The following VWA3B variants were observed in gnomAD, a reference collection of about 807,000 sequenced individuals.
The protein encoded by VWA3B is von Willebrand factor A domain-containing protein 3B.
A neutral mutation model predicts 158.3 loss-of-function variants in VWA3B; 138 were observed. The observed-to-expected ratio is 0.87, with a 90% CI of 0.76 to 1.00. VWA3B has a LOEUF of 1.00. VWA3B is among the 50% of genes least tolerant of loss of function. VWA3B has a pLI of 0.00. For missense variants in VWA3B, 1,555 were observed against 1,565.1 expected (o/e 0.99, Z 0.11); for synonymous variants, 596 against 587.3 (o/e 1.01, Z -0.21).
intron 2 of VWA3B, among the ~76,000 whole-genome samples, chr2:98,100,631 A>G (rs2122753): frequency 0.86 from 131,074 of 152,228 alleles, 56,866 homozygotes; most frequent in East Asian, 0.98. Context: ...TAGATCTAGA[A>G]GCTTAGTCCA....
chr2:98,129,206 G>GGGGAGA (rs1553640724), intron 6 of VWA3B, among the ~76,000 whole-genome samples: 12,737 of 127,954 alleles, frequency 0.1, 869 homozygotes, highest in African/African-American at 0.18. Flanking sequence ...GAGAGAGAGA[G>GGGGAGA]GAGAGAGAGA....
chr2:98,303,882 GA>G (rs1246392493), intron 26 of VWA3B, 80 bp downstream of exon 26: 60 of 1,365,110 alleles, frequency 4.4e-5, no homozygotes, highest in Non-Finnish European at 6.1e-5. Context: ...TGAGATCCAT[GA>G]CCTCTAAATA....
Position 98,217,919 on chromosome 2 carries a change from A to G in VWA3B, c.1910A>G (p.Asn637Ser), listed in dbSNP as rs1484552650. The change falls in exon 14 of 28, where the codon AAT becomes AGT. Residue 637 changes from asparagine to serine, a missense_variant. Coordinates refer to ENST00000477737, the MANE Select transcript of VWA3B (RefSeq NM_144992.5). ...IPIYTISFNY[N>S]DEIANRFLKE... ...ATTTATACCATCTCCTTCAATTACA[A>G]TGATGAGATTGCAAACAGGTTTTTG... 1.2e-6 allele frequency: 2 copies of G among 1,613,520 alleles called. No homozygotes were observed. Among genetic ancestry groups the G allele is most frequent in the Non-Finnish European group, 1.7e-6 (2 of 1,179,732 alleles).
intron 7 of VWA3B, 97 bp from the exon 8 acceptor site, chr2:98,162,754 C>G (rs767111881): frequency 1.9e-4 from 279 of 1,490,722 alleles, no homozygotes; most frequent in Non-Finnish European, 2.4e-4. Context: ...CAGAAATGTT[C>G]CAGAAACTTG....
chr2:98,213,933 G>A (rs920079854), intron 13 of VWA3B, among the ~76,000 whole-genome samples: 6 of 152,190 alleles, frequency 3.9e-5, no homozygotes, highest in African/African-American at 1.4e-4. Context: ...GCCCACTCCT[G>A]TAATCTCAAC....
chr2:98,173,945 C>T (rs1055255098), intron 8 of VWA3B, among the ~76,000 whole-genome samples: 26 of 149,848 alleles, frequency 1.7e-4, no homozygotes, highest in African/African-American at 4.2e-4. Flanking sequence ...CCAGCCTGGG[C>T]GACAGAGCGA....
chr2:98,214,351 T>C (rs1683797094), intron 13 of VWA3B, among the ~76,000 whole-genome samples: 1 of 152,202 alleles, frequency 6.6e-6, no homozygotes, highest in Non-Finnish European at 1.5e-5. Flanking sequence ...TCCTTCTCAA[T>C]GACTGCATCA....
At chr2:98,304,919 C>T (rs555233203) in intron 26 of VWA3B, among the ~76,000 whole-genome samples, 2 of 152,092 alleles carry the variant, frequency 1.3e-5, no homozygotes, top group South Asian at 4.1e-4. Flanking sequence ...GGTCTCCATG[C>T]GTCATCGGAT....
At chr2:98,112,558 T>C (rs971385308) in intron 2 of VWA3B, among the ~76,000 whole-genome samples, 3 of 152,134 alleles carry the variant, frequency 2.0e-5, no homozygotes, top group African/African-American at 7.2e-5. Flanking sequence ...GTATCTTTTT[T>C]TCTATAACTG....
At chr2:98,277,856 A>G (rs577248993) in intron 22 of VWA3B, among the ~76,000 whole-genome samples, 3 of 152,330 alleles carry the variant, frequency 2.0e-5, no homozygotes, top group South Asian at 2.1e-4. Flanking sequence ...AGACAGAGGA[A>G]AGTGTCTTTC....
intron 2 of VWA3B, 125 bp downstream of exon 2, chr2:98,093,413 C>T (rs1682493185): frequency 1.1e-6 from 1 of 938,482 alleles, no homozygotes; most frequent in African/African-American, 1.7e-5. Context: ...ATATCCCTAT[C>T]AGTAGAAAAT....
chr2:98,323,721 G>A, the VWA3B span, among the ~76,000 whole-genome samples: 1 of 152,168 alleles, frequency 6.6e-6, no homozygotes, highest in South Asian at 2.1e-4. Context: ...CATGATTACA[G>A]ATGACTTCTC....
At chr2:98,093,563 A>C (rs1008464189) in intron 2 of VWA3B, among the ~76,000 whole-genome samples, 1 of 152,212 alleles carries the variant, frequency 6.6e-6, no homozygotes, top group African/African-American at 2.4e-5. Context: ...ATCATGTACA[A>C]CATGATGTTT....
intron 13 of VWA3B, 35 bp from the exon 14 acceptor site, chr2:98,217,811 C>T: frequency 3.3e-6 from 5 of 1,517,034 alleles, no homozygotes; most frequent in Non-Finnish European, 4.4e-6. Flanking sequence ...CTCTTTCCAT[C>T]TCCCTTCCCC....
intron 22 of VWA3B, among the ~76,000 whole-genome samples, chr2:98,285,666 A>G (rs1382259419): frequency 7.5e-6 from 1 of 133,572 alleles, no homozygotes; most frequent in Non-Finnish European, 1.7e-5. Context: ...GTTTCAAAAG[A>G]AAAAAAAAAA....
At chr2:98,132,466 G>C (rs1015591248) in intron 6 of VWA3B, among the ~76,000 whole-genome samples, 2 of 152,240 alleles carry the variant, frequency 1.3e-5, no homozygotes, top group Non-Finnish European at 2.9e-5. Flanking sequence ...CTGTGCCAGA[G>C]GCTGTGTCTG....
At chr2:98,101,873 A>C (rs1427227949) in intron 2 of VWA3B, among the ~76,000 whole-genome samples, 3 of 120,816 alleles carry the variant, frequency 2.5e-5, no homozygotes, top group Admixed American at 2.4e-4. Context: ...TTATTTTTTT[A>C]TTTTTTATTT....
chr2:98,186,691 T>TC (rs1363741028), intron 9 of VWA3B, among the ~76,000 whole-genome samples: 2 of 152,096 alleles, frequency 1.3e-5, no homozygotes, highest in Non-Finnish European at 2.9e-5. Flanking sequence ...TCTGGCCACT[T>TC]CTTACCATGG....
chr2:98,226,825 C>T (rs1684950293), intron 14 of VWA3B, among the ~76,000 whole-genome samples: 1 of 152,084 alleles, frequency 6.6e-6, no homozygotes, highest in Non-Finnish European at 1.5e-5. Context: ...AAAAGAGGGT[C>T]AACATCGTAA....
Sources: gnomAD v4.1 joint callset for allele counts (sites outside exome capture counted in the v4.1 genomes callset) on GRCh38, gnomAD v4.1.1 for gene constraint, MANE v1.5 for transcripts, NCBI Gene and HGNC (gene_info 2026-07-23, HGNC 2026-07-21) for gene names.